The following MROH6 variants were observed in gnomAD, a reference collection of about 807,000 sequenced individuals.
MROH6 encodes the protein maestro heat like repeat family member 6.
MROH6 carries 62 observed loss-of-function variants against 67.7 expected under a neutral mutation model. The ratio of observed to expected loss-of-function variants is 0.92; its 90% CI spans 0.75 to 1.13. MROH6 has a LOEUF of 1.13. Ranked by LOEUF, MROH6 falls within the 50% of genes most tolerant of loss-of-function variation. The probability of loss-of-function intolerance (pLI) is 0.00; values close to 1 mark genes in which losing one functional copy is unlikely to be tolerated. For synonymous variants in MROH6, 566 were observed against 470.8 expected (o/e 1.20, Z -2.62); for missense variants, 1,175 against 1,029.1 (o/e 1.14, Z -1.94).
In MROH6 at chr8:143,570,344, C is replaced by G; in HGVS notation, c.942G>C (p.Gly314=). 5 of 1,610,814 alleles carry G rather than the reference C, an allele frequency of 3.1e-6. No individual in the cohort carries two copies. Among genetic ancestry groups the G allele is most frequent in the Non-Finnish European group, 3.4e-6 (4 of 1,179,776 alleles). ...AVEALKALLT[G]DGGRMVVTCM... ...ACGTGACCACCATGCGGCCTCCATC[C>G]CCGGTGAGCAGCGCCTTCAAGGCCT... Residue 314 remains glycine, a synonymous_variant, in exon 6 of 14, where the codon GGG becomes GGC. Transcript: ENST00000398882.
chr8:143,568,035 C>T, intron 11 of MROH6, 107 bp downstream of exon 11: 2 of 1,481,478 alleles, frequency 1.3e-6, no homozygotes, highest in Admixed American at 4.3e-5. Context: ...CCACCAGTAG[C>T]CTATCTGGTT....
rs201178550 is a variant in MROH6 at position 143,572,635 on chromosome 8, C to G, written c.80G>C (p.Gly27Ala). 48 of 1,583,204 alleles carry G rather than the reference C, an allele frequency of 3.0e-5. No homozygotes were observed. In the African/African-American group the frequency reaches 6.3e-4, roughly 21 times the overall value. The part of the protein sequence containing the change: ...GALTLTALTE[G>A]IRARQGQPQG... ...GGGCTGCCCCTGCCTGGCCCGGATT[C>G]CTTCAGTCAGTGCTGTCAGGGTTAG... The change falls in exon 1 of 14, where the codon GGA (glycine) becomes GCA (alanine). Residue 27 changes from glycine (G) to alanine (A), a missense_variant. Gly to Ala is a moderately conservative substitution (Grantham distance 60, BLOSUM62 0). Coordinates refer to ENST00000398882, the MANE Select transcript of MROH6 (RefSeq NM_001100878.2).
At chr8:143,572,318 C>T (rs1335253161) in intron 1 of MROH6, 103 bp downstream of exon 1, 12 of 1,496,166 alleles carry the variant, frequency 8.0e-6, no homozygotes, top group Non-Finnish European at 9.9e-6. Context: ...TTCACGCTGA[C>T]CTCCCCCGGG....
chr8:143,567,279 A>G lies in MROH6; in HGVS notation c.2120T>C (p.Val707Ala). 8.2e-7 allele frequency: 1 copy of G among 1,222,210 alleles called. No homozygotes were observed. The highest frequency in any genetic ancestry group is 1.0e-6 in the Non-Finnish European group (1 of 981,848). 75.7% of individuals were successfully genotyped at this position (1,222,210 alleles called of 1,614,324 possible). A position where few individuals can be genotyped will look rare whatever the true frequency, so the allele number is the denominator to read the frequency against. The change falls in exon 14 of 14, where the codon GTC becomes GCC. Residue 707 changes from valine to alanine, a missense_variant. Transcript: ENST00000398882. ...FADSPFQRRSVAGRWGCSGPR... is the reference protein window; with the variant it reads ...FADSPFQRRSAAGRWGCSGPR... ...TCCGGAGCAGCCCCAGCGGCCCGCG[A>G]CGCTCCGGCGCTGGAAGGGGCTGTC...
rs768936749 is a variant in MROH6 at position 143,569,718 on chromosome 8, G to A, written c.1281C>T (p.His427=). Residue 427 remains histidine (H), a synonymous_variant, in exon 8 of 14, where the codon CAC becomes CAT. Transcript: ENST00000398882. ...VRWLGLLGLG[H]LALNRRKVRH... is the part of the protein sequence containing the mutation. The stretch of plus-strand genomic sequence containing the variant: ...ACACCTTCCTGCGATTCAGCGCGAG[G>A]TGGCCCAGGCCCAGCAGGCCCAACC... 16 of 1,613,052 alleles carry A rather than the reference G, an allele frequency of 9.9e-6. No individual in the cohort carries two copies. In the South Asian group the frequency reaches 1.4e-4, roughly 14 times the overall value.
Position 143,567,312 on chromosome 8 carries a change from A to T in MROH6, c.2087T>A (p.Val696Asp). The T allele has an allele frequency of 1.6e-6, 2 of 1,220,388 alleles. No homozygotes were observed. The highest frequency in any genetic ancestry group is 2.0e-6 in the Non-Finnish European group (2 of 980,678). The allele number at this position is 1,220,388 out of a possible 1,614,324, so 75.6% of individuals were successfully genotyped here. A position where few individuals can be genotyped will look rare whatever the true frequency, so the allele number is the denominator to read the frequency against. ...GCGCTGGAAGGGGCTGTCGGCGAAG[A>T]CTGGTGGGGGCCGGGCGGGGCGCGG... is the stretch of plus-strand genomic sequence containing the variant. ...IAPRPARPPP[V>D]FADSPFQRRS... Residue 696 changes from valine (V) to aspartate (D), a missense_variant, in exon 14 of 14, where the codon GTC becomes GAC. Physicochemically the swap from Val to Asp is radical, Grantham distance 152 (BLOSUM62 -3). Coordinates refer to ENST00000398882, the MANE Select transcript of MROH6 (RefSeq NM_001100878.2).
intron 13 of MROH6, 21 bp downstream of exon 13, chr8:143,567,590 C>T (rs1301038248): frequency 1.9e-6 from 3 of 1,549,992 alleles, no homozygotes; most frequent in Non-Finnish European, 2.6e-6. Context: ...GACACCATCC[C>T]CTGGCAAGGT....
At chr8:143,567,514 C>G (rs745812293) in intron 13 of MROH6, 49 bp from the exon 14 acceptor site, 8 of 1,447,468 alleles carry the variant, frequency 5.5e-6, no homozygotes, top group African/African-American at 1.4e-5. Context: ...GGGCCGAGTG[C>G]CCGGGCCCCT....
Position 143,567,243 on chromosome 8 carries a change from G to A in MROH6, c.2156C>T (p.Ala719Val). Reference sequence around the variant, plus strand: ...CTCGGGCCCCAGCCCCGAGCCTCAGGCTCGGCGGGGTCCGGAGCAGCCCCA... The same window carrying A: ...CTCGGGCCCCAGCCCCGAGCCTCAGACTCGGCGGGGTCCGGAGCAGCCCCA... ...GRWGCSGPRR[A>V] Residue 719 changes from alanine (A) to valine (V), a missense_variant, in exon 14 of 14, where the codon GCC (alanine) becomes GTC (valine). Coordinates refer to ENST00000398882, the MANE Select transcript of MROH6 (RefSeq NM_001100878.2). The A allele has an allele frequency of 1.6e-6, 2 of 1,221,138 alleles. No homozygotes were observed. The highest frequency in any genetic ancestry group is 2.0e-6 in the Non-Finnish European group (2 of 980,834). 75.6% of individuals were successfully genotyped at this position (1,221,138 alleles called of 1,614,324 possible). A position where few individuals can be genotyped will look rare whatever the true frequency, so the allele number is the denominator to read the frequency against.
rs1038763539 is a variant in MROH6 at position 143,572,532 on chromosome 8, G to C, written c.183C>G (p.Leu61=). 2.5e-6 allele frequency: 4 copies of C among 1,606,242 alleles called. No homozygotes were observed. The highest frequency in any genetic ancestry group is 3.4e-6 in the Non-Finnish European group (4 of 1,177,300). ...CAGGCTCTGCCTCAGAGGGGGCGGT[G>C]AGTGCCTGGGTCTGTGGCTCAGCCT... ...KPEAEPQTQA[L]TAPSEAEPGR... The change falls in exon 1 of 14, where the codon CTC becomes CTG. Residue 61 remains leucine (L), a synonymous_variant. Coordinates refer to ENST00000398882, the MANE Select transcript of MROH6 (RefSeq NM_001100878.2).
chr8:143,567,696 T>C lies in MROH6; in HGVS notation c.1868-20A>G, dbSNP rs773678668. 2.5e-6 allele frequency: 4 copies of C among 1,578,796 alleles called. No homozygotes were observed. The highest frequency in any genetic ancestry group is 3.4e-6 in the Non-Finnish European group (4 of 1,163,076). On this transcript the variant is annotated intron_variant, in intron 12 of 13. Transcript: ENST00000398882. ...GGAAGCCTGGACCACAGCAGATGCA[T>C]GAGTGCAGGCCCCACAGCCCCCCAG...
Position 143,570,826 on chromosome 8 carries a change from GCCACCCCCCACCCCCGCCC to G in MROH6, c.720+32_720+50del, listed in dbSNP as rs1823983480. On this transcript the variant is annotated intron_variant, in intron 4 of 13. Coordinates refer to ENST00000398882, the MANE Select transcript of MROH6 (RefSeq NM_001100878.2). ...CCTATGCCCATCCTCCCCGCTCCTC[GCCACCCCCCACCCCCGCCC>G]CCACCCCCTGGTAATGGCTGGAGCC... 10 of 1,171,266 alleles carry G rather than the reference GCCACCCCCCACCCCCGCCC, an allele frequency of 8.5e-6. 1 individual carries two copies. In the South Asian group the frequency reaches 1.4e-4, roughly 16 times the overall value. 72.6% of individuals were successfully genotyped at this position (1,171,266 alleles called of 1,614,324 possible).
chr8:143,572,214 G>A (rs747566190), intron 1 of MROH6, 29 bp from the exon 2 acceptor site: 143 of 1,610,206 alleles, frequency 8.9e-5, no homozygotes, highest in Non-Finnish European at 1.1e-4. Context: ...GGCGTCTGAA[G>A]TGCCCAAACC....
Position 143,567,126 on chromosome 8 carries a change from G to C in MROH6, c.*113C>G. 4.1e-6 allele frequency: 2 copies of C among 485,796 alleles called. No homozygotes were observed. Among genetic ancestry groups the C allele is most frequent in the South Asian group, 2.2e-4 (2 of 9,262 alleles). 30.1% of individuals were successfully genotyped at this position (485,796 alleles called of 1,614,324 possible). Reference sequence around the variant, plus strand: ...TCACGGGGGTGGGGGGTGGGGGAGGGCATTGGCGTCCAGCACCAGGCCCAG... The same window carrying C: ...TCACGGGGGTGGGGGGTGGGGGAGGCCATTGGCGTCCAGCACCAGGCCCAG... On this transcript the variant is annotated 3_prime_UTR_variant, in exon 14 of 14. Coordinates refer to ENST00000398882, the MANE Select transcript of MROH6 (RefSeq NM_001100878.2).
At chr8:143,570,713 G>T in intron 4 of MROH6, 56 bp from the exon 5 acceptor site, 1 of 1,534,870 alleles carries the variant, frequency 6.5e-7, no homozygotes, top group African/African-American at 1.4e-5. Context: ...GCACTGGGCA[G>T]CAGAGGGACA....
At chr8:143,568,455 G>T in intron 10 of MROH6, 97 bp downstream of exon 10, 1 of 1,449,012 alleles carries the variant, frequency 6.9e-7, no homozygotes, top group East Asian at 2.5e-5. Context: ...TCCTTGGGAT[G>T]GGTGAGTCCC....
chr8:143,570,829 A>ACCCCC (rs752326299), intron 4 of MROH6, 48 bp downstream of exon 4: 15 of 572,442 alleles, frequency 2.6e-5, no homozygotes, highest in South Asian at 1.2e-4. Context: ...GCTCCTCGCC[A>ACCCCC]CCCCCCACCC....
rs542086934 is a variant in MROH6, at chr8:143,569,491, G to T, written c.1426C>A (p.Arg476=). 3 of 1,482,098 alleles carry T rather than the reference G, an allele frequency of 2.0e-6. No homozygotes were observed. The highest frequency in any genetic ancestry group is 1.8e-6 in the Non-Finnish European group (2 of 1,126,066). 91.8% of individuals were successfully genotyped at this position (1,482,098 alleles called of 1,614,324 possible). Residue 476 remains arginine, a synonymous_variant, in exon 9 of 14, where the codon CGG becomes AGG. Transcript: ENST00000398882. ...RLLLRPRAPV[R]LLSAELGPRL... is the part of the protein sequence containing the mutation. ...GGTCCCAGCTCCGCGCTCAGGAGCC[G>T]CACAGGCGCCCGGGGCCGCAGCAGG...
In MROH6 at chr8:143,572,717, CGGCCCTTGCCTGCAGCACCTGCCGCT is replaced by C; in HGVS notation, c.-29_-4del. 1 of 1,471,264 alleles carries C rather than the reference CGGCCCTTGCCTGCAGCACCTGCCGCT, an allele frequency of 6.8e-7. No individual in the cohort carries two copies. The highest frequency in any genetic ancestry group is 9.0e-7 in the Non-Finnish European group (1 of 1,114,744). The allele number at this position is 1,471,264 out of a possible 1,614,324, so 91.1% of individuals were successfully genotyped here. ...CGGCCCCACACACCCCCAGCCATGG[CGGCCCTTGCCTGCAGCACCTGCCGCT>C]GCTCCTCCTGCGAAGTTGTGCCCAG... On this transcript the variant is annotated 5_prime_UTR_variant, in exon 1 of 14. Transcript: ENST00000398882.
Sources: gnomAD v4.1 joint callset for allele counts on GRCh38, gnomAD v4.1.1 for gene constraint, MANE v1.5 for transcripts, NCBI Gene and HGNC (gene_info 2026-07-23, HGNC 2026-07-21) for gene names.